Variants in OR4C11 observed in about 807,000 individuals in gnomAD.
The protein encoded by OR4C11 is olfactory receptor 4C11.
OR4C11 carries 15 observed loss-of-function variants against 14.7 expected under a neutral mutation model. The observed-to-expected ratio is 1.02, with a 90% CI of 0.68 to 1.58. The LOEUF is 1.58. Ranked by LOEUF, OR4C11 falls within the 40% of genes most tolerant of loss-of-function variation. The pLI is 0.00. For missense variants in OR4C11, 473 were observed against 383.0 expected (o/e 1.24, Z -1.96); for synonymous variants, 146 against 135.0 (o/e 1.08, Z -0.57).
rs140582621 is a variant in OR4C11, at chr11:55,603,602, G to T, written c.772C>A (p.Arg258Ser). Residue 258 changes from arginine to serine, a missense_variant, in exon 4 of 4, where the codon CGC becomes AGC. Transcript: ENST00000641580. ...TCCATGGGGAAAGTGGTCGGGGGGC[G>T]TGTATATATGAATATACATGGGCCA... ...FFGPCIFIYT[R>S]PPTTFPMDKM... 17 of 1,481,028 alleles carry T rather than the reference G, an allele frequency of 1.1e-5. 5 individuals are homozygous for T. Among genetic ancestry groups the T allele is most frequent in the South Asian group, 7.1e-5 (6 of 84,642 alleles). The allele number at this position is 1,481,028 out of a possible 1,614,324, so 91.7% of individuals were successfully genotyped here.
chr11:55,603,391 T>G lies in OR4C11; in HGVS notation c.*50A>C. The G allele has an allele frequency of 1.1e-6, 1 of 913,682 alleles. No homozygotes were observed. Among genetic ancestry groups the G allele is most frequent in the Non-Finnish European group, 1.6e-6 (1 of 620,316 alleles). The allele number at this position is 913,682 out of a possible 1,614,324, so 56.6% of individuals were successfully genotyped here. On this transcript the variant is annotated 3_prime_UTR_variant, in exon 4 of 4. Coordinates refer to ENST00000641580, the MANE Select transcript of OR4C11 (RefSeq NM_001004700.3). Reference sequence around the variant, plus strand: ...TTTCCTATTTGCTGTCTATACTTACTCTGTTAAATCATGATTTGACTGAAA... The same window carrying G: ...TTTCCTATTTGCTGTCTATACTTACGCTGTTAAATCATGATTTGACTGAAA...
rs1857906966 is a variant in OR4C11 at position 55,603,275 on chromosome 11, G to A, written c.*166C>T. 2.1e-6 allele frequency: 1 copy of A among 475,432 alleles called. No individual in the cohort carries two copies. The highest frequency in any genetic ancestry group is 2.0e-5 in the African/African-American group (1 of 50,980). 29.5% of individuals were successfully genotyped at this position (475,432 alleles called of 1,614,324 possible). On this transcript the variant is annotated 3_prime_UTR_variant, in exon 4 of 4. Coordinates refer to ENST00000641580, the MANE Select transcript of OR4C11 (RefSeq NM_001004700.3). Reference sequence around the variant, plus strand: ...ACCTAGTTCTGGCACAAAAGACAATGTCTTGGTAGTCACAACTCCTGTTAA... The same window carrying A: ...ACCTAGTTCTGGCACAAAAGACAATATCTTGGTAGTCACAACTCCTGTTAA...
Position 55,603,820 on chromosome 11 carries a change from AGTTTCAACAAG to A in OR4C11, c.543_553del (p.Leu182CysfsTer15). 3 of 1,489,688 alleles carry A rather than the reference AGTTTCAACAAG, an allele frequency of 2.0e-6. 1 individual carries two copies. The South Asian group carries it at 3.5e-5, about 18-fold the overall frequency. 92.3% of individuals were successfully genotyped at this position (1,489,688 alleles called of 1,614,324 possible). The stretch of plus-strand genomic sequence containing the variant: ...GATCATGTAAGTGTCCATGCAGGCA[AGTTTCAACAAG>A]GGCTGCAAATCACAGCAATAATGAT... On this transcript the variant is annotated frameshift_variant, in exon 4 of 4. Transcript: ENST00000641580. LOFTEE classifies it high-confidence loss of function.
rs1246737702 is a variant in OR4C11, at chr11:55,604,104, T to G, written c.270A>C (p.Ile90=). 8 of 1,483,966 alleles carry G rather than the reference T, an allele frequency of 5.4e-6. 2 individuals carry two copies. The highest frequency in any genetic ancestry group is 7.3e-6 in the Non-Finnish European group (8 of 1,091,028). 91.9% of individuals were successfully genotyped at this position (1,483,966 alleles called of 1,614,324 possible). Residue 90 remains isoleucine, a synonymous_variant, in exon 4 of 4, where the codon ATA becomes ATC. Transcript: ENST00000641580. Reference sequence around the variant, plus strand: ...CTTGTGTCATGCACTCATTGTAGGTTATAATTTTCTTTTCAGAGAGAGCAT... The same window carrying G: ...CTTGTGTCATGCACTCATTGTAGGTGATAATTTTCTTTTCAGAGAGAGCAT... The part of the protein sequence containing the change: ...IVDALSEKKI[I]TYNECMTQVF...
intron 3 of OR4C11, among the ~76,000 whole-genome samples, chr11:55,604,631 C>T (rs1857937505): frequency 7.3e-6 from 1 of 137,302 alleles, no homozygotes; most frequent in Non-Finnish European, 1.6e-5. Flanking sequence ...GGCTGGACTG[C>T]AGTGGCATGA....
At chr11:55,605,368 T>A (rs1192812425) in intron 2 of OR4C11, 81 bp from the exon 3 acceptor site, 1 of 137,054 alleles carries the variant, frequency 7.3e-6, no homozygotes, top group South Asian at 2.3e-4. Context: ...CAGGTAAGCA[T>A]CAGTGATTTA....
rs1302553925 is a variant in OR4C11 at position 55,607,305 on chromosome 11, A to G, written c.-383T>C. ...CTCTTACCTGGTAGTGCCCATTTCC[A>G]TCAAGAAATTCTGTGCATGATTTTT... On this transcript the variant is annotated 5_prime_UTR_variant, in exon 1 of 4. It removes an upstream start codon present in the reference 5' UTR. Transcript: ENST00000641580. The G allele has an allele frequency of 5.1e-5, 7 of 138,408 alleles. 2 individuals are homozygous for G. The highest frequency in any genetic ancestry group is 8.0e-5 in the Non-Finnish European group (5 of 62,274). The allele number at this position is 138,408 out of a possible 1,614,324, so 8.6% of individuals were successfully genotyped here.
Position 55,607,543 on chromosome 11 carries a change from T to C in OR4C11, c.-621A>G, listed in dbSNP as rs2120127935. On this transcript the variant is annotated 5_prime_UTR_variant, in exon 1 of 4. Transcript: ENST00000641580. ...GCTATATTAGGATGTTCAATTGCCC[T>C]CTTTTCTTCCCAATATAATTTGGAG... 1 of 138,476 alleles carries C rather than the reference T, an allele frequency of 7.2e-6. No homozygotes were observed. Among genetic ancestry groups the C allele is most frequent in the African/African-American group, 2.5e-5 (1 of 39,952 alleles). The allele number at this position is 138,476 out of a possible 1,614,324, so 8.6% of individuals were successfully genotyped here.
rs147059358 is a variant in OR4C11 at position 55,604,318 on chromosome 11, G to C, written c.56C>G (p.Pro19Arg). 277 of 1,426,034 alleles carry C rather than the reference G, an allele frequency of 1.9e-4. 47 individuals carry two copies. The highest frequency in any genetic ancestry group is 2.5e-4 in the Non-Finnish European group (265 of 1,046,234). The allele number at this position is 1,426,034 out of a possible 1,614,324, so 88.3% of individuals were successfully genotyped here. A position where few individuals can be genotyped will look rare whatever the true frequency, so the allele number is the denominator to read the frequency against. The stretch of plus-strand genomic sequence containing the variant: ...TACAAACACTATTTTCTGCCTCAAG[G>C]GATCCTGTGTTAATCCTAACAGTAT... The part of the protein sequence containing the change: ...EFILLGLTQD[P>R]LRQKIVFVIF... The change falls in exon 4 of 4, where the codon CCC becomes CGC. Residue 19 changes from proline to arginine, a missense_variant. Transcript: ENST00000641580.
At chr11:55,604,531 G>T (rs1857936340) in intron 3 of OR4C11, 114 bp from the exon 4 acceptor site, 2 of 392,274 alleles carry the variant, frequency 5.1e-6, no homozygotes, top group Non-Finnish European at 8.9e-6. Flanking sequence ...ATTTTTTTCT[G>T]AGTGAAATGG....
At position 55,604,228 on chromosome 11, in the gene OR4C11, G is replaced by T; in HGVS notation, c.146C>A (p.Ser49Tyr). 1 of 1,477,226 alleles carries T rather than the reference G, an allele frequency of 6.8e-7. No homozygotes were observed. The highest frequency in any genetic ancestry group is 1.2e-5 in the South Asian group (1 of 84,414). The allele number at this position is 1,477,226 out of a possible 1,614,324, so 91.5% of individuals were successfully genotyped here. ...CATGGGGCTTCCTAGTGTCCGGCTGGACTTGATGGTCACAATAATGAGCAT... is the reference window on the plus strand; with the variant it reads ...CATGGGGCTTCCTAGTGTCCGGCTGTACTTGATGGTCACAATAATGAGCAT... ...GNMLIIVTIK[S>Y]SRTLGSPMYF... Residue 49 changes from serine to tyrosine, a missense_variant, in exon 4 of 4, where the codon TCC becomes TAC. Transcript: ENST00000641580.
Position 55,603,915 on chromosome 11 carries a change from G to C in OR4C11, c.459C>G (p.His153Gln). Residue 153 changes from histidine to glutamine, a missense_variant, in exon 4 of 4, where the codon CAC (histidine) becomes CAG (glutamine). Transcript: ENST00000641580. ...IVLAWIGSLI[H>Q]STAQIILALR... ...AGGCCAGGATAATCTGAGCTGTAGA[G>C]TGTATTAAAGACCCTATCCAGGCAA... The C allele has an allele frequency of 2.0e-6, 3 of 1,482,832 alleles. 1 individual carries two copies. Among genetic ancestry groups the C allele is most frequent in the Non-Finnish European group, 2.8e-6 (3 of 1,089,066 alleles). The allele number at this position is 1,482,832 out of a possible 1,614,324, so 91.9% of individuals were successfully genotyped here. A position where few individuals can be genotyped will look rare whatever the true frequency, so the allele number is the denominator to read the frequency against.
Position 55,603,456 on chromosome 11 carries a change from T to A in OR4C11, c.918A>T (p.Ser306=). ...GGCCCTCAATTTATCCTTTGTTTTC[T>A]GAAATAATTTTGCCATGCCATAACT... ...MRKLWHGKII[S]ENKG Residue 306 remains serine, a synonymous_variant, in exon 4 of 4, where the codon TCA becomes TCT. Transcript: ENST00000641580. 1 of 1,421,066 alleles carries A rather than the reference T, an allele frequency of 7.0e-7. No homozygotes were observed. Among genetic ancestry groups the A allele is most frequent in the Non-Finnish European group, 9.5e-7 (1 of 1,047,864 alleles). 88.0% of individuals were successfully genotyped at this position (1,421,066 alleles called of 1,614,324 possible). A position where few individuals can be genotyped will look rare whatever the true frequency, so the allele number is the denominator to read the frequency against.
chr11:55,604,325 G>T lies in OR4C11; in HGVS notation c.49C>A (p.Gln17Lys). The T allele has an allele frequency of 2.1e-6, 3 of 1,421,564 alleles. No homozygotes were observed. Among genetic ancestry groups the T allele is most frequent in the South Asian group, 2.5e-5 (2 of 79,472 alleles). 88.1% of individuals were successfully genotyped at this position (1,421,564 alleles called of 1,614,324 possible). A position where few individuals can be genotyped will look rare whatever the true frequency, so the allele number is the denominator to read the frequency against. Reference sequence around the variant, plus strand: ...ACTATTTTCTGCCTCAAGGGATCCTGTGTTAATCCTAACAGTATGAATTCA... The same window carrying T: ...ACTATTTTCTGCCTCAAGGGATCCTTTGTTAATCCTAACAGTATGAATTCA... ...VPEFILLGLT[Q>K]DPLRQKIVFV... The change falls in exon 4 of 4, where the codon CAG (glutamine) becomes AAG (lysine). Residue 17 changes from glutamine to lysine, a missense_variant. Coordinates refer to ENST00000641580, the MANE Select transcript of OR4C11 (RefSeq NM_001004700.3).
rs1236471242 is a variant in OR4C11 at position 55,606,514 on chromosome 11, AG to A, written c.-207+7del. ...GCTACATCGAAAATAATGTTTTAAA[AG>A]CTTTACCTTGGGAGATGGGTTGTTA... On this transcript the variant is annotated splice_region_variant and intron_variant, in intron 2 of 3. Transcript: ENST00000641580. The A allele has an allele frequency of 9.4e-5, 13 of 138,478 alleles. 2 individuals carry two copies. The East Asian group carries it at 3.1e-3, about 33-fold the overall frequency. 8.6% of individuals were successfully genotyped at this position (138,478 alleles called of 1,614,324 possible).
In OR4C11 at chr11:55,603,444, T is replaced by C. The variant is rs536774368; in HGVS notation, c.930A>G (p.Gly310=). ...WHGKIISENK[G] is the part of the protein sequence containing the mutation. ...GTAATCAGGTCAGGCCCTCAATTTATCCTTTGTTTTCTGAAATAATTTTGC... is the reference window on the plus strand; with the variant it reads ...GTAATCAGGTCAGGCCCTCAATTTACCCTTTGTTTTCTGAAATAATTTTGC... The change falls in exon 4 of 4, where the codon GGA becomes GGG. Residue 310 remains glycine, a synonymous_variant. Transcript: ENST00000641580. 36 of 1,379,858 alleles carry C rather than the reference T, an allele frequency of 2.6e-5. 6 individuals are homozygous for C. The highest frequency in any genetic ancestry group is 5.3e-5 in the East Asian group (2 of 38,082). 85.5% of individuals were successfully genotyped at this position (1,379,858 alleles called of 1,614,324 possible). A position where few individuals can be genotyped will look rare whatever the true frequency, so the allele number is the denominator to read the frequency against.
Position 55,603,806 on chromosome 11 carries a change from T to G in OR4C11, c.568A>C (p.Thr190Pro). The G allele has an allele frequency of 1.3e-6, 2 of 1,488,498 alleles. 1 individual carries two copies. Among genetic ancestry groups the G allele is most frequent in the Non-Finnish European group, 1.8e-6 (2 of 1,093,986 alleles). 92.2% of individuals were successfully genotyped at this position (1,488,498 alleles called of 1,614,324 possible). A position where few individuals can be genotyped will look rare whatever the true frequency, so the allele number is the denominator to read the frequency against. The change falls in exon 4 of 4, where the codon ACT becomes CCT. Residue 190 changes from threonine (T) to proline (P), a missense_variant. Coordinates refer to ENST00000641580, the MANE Select transcript of OR4C11 (RefSeq NM_001004700.3). ...QPLLKLACMD[T>P]YMINLLLVSN... is the part of the protein sequence containing the mutation. ...ACCAACAGCAGGTTGATCATGTAAG[T>G]GTCCATGCAGGCAAGTTTCAACAAG... is the stretch of plus-strand genomic sequence containing the variant.
Position 55,603,938 on chromosome 11 carries a change from C to A in OR4C11, c.436G>T (p.Ala146Ser). The A allele has an allele frequency of 1.3e-6, 2 of 1,487,988 alleles. No homozygotes were observed. The highest frequency in any genetic ancestry group is 2.6e-5 in the East Asian group (1 of 38,710). The allele number at this position is 1,487,988 out of a possible 1,614,324, so 92.2% of individuals were successfully genotyped here. A position where few individuals can be genotyped will look rare whatever the true frequency, so the allele number is the denominator to read the frequency against. The change falls in exon 4 of 4, where the codon GCC becomes TCC. Residue 146 changes from alanine to serine, a missense_variant. By Grantham distance (99) the Ala-to-Ser change is moderately conservative. Transcript: ENST00000641580. ...GAGTGTATTAAAGACCCTATCCAGG[C>A]AAGAACAATCAGGATGATGCAGACC... ...QQVCIILIVLAWIGSLIHSTA... is the reference protein window; with the variant it reads ...QQVCIILIVLSWIGSLIHSTA...
chr11:55,603,665 C>A lies in OR4C11; in HGVS notation c.709G>T (p.Ala237Ser). The A allele has an allele frequency of 1.4e-6, 2 of 1,478,920 alleles. No homozygotes were observed. The highest frequency in any genetic ancestry group is 2.4e-5 in the South Asian group (2 of 84,586). The allele number at this position is 1,478,920 out of a possible 1,614,324, so 91.6% of individuals were successfully genotyped here. A position where few individuals can be genotyped will look rare whatever the true frequency, so the allele number is the denominator to read the frequency against. ...ACTACAATTATGTGAGACGTGCAAG[C>A]GGAGAGAGCCTTTTTCTTCCCTTTG... Reference protein sequence around the residue: ...SAKGKKKALSACTSHIIVVIL... With the variant: ...SAKGKKKALSSCTSHIIVVIL... Residue 237 changes from alanine (A) to serine (S), a missense_variant, in exon 4 of 4, where the codon GCT becomes TCT. By Grantham distance (99) the Ala-to-Ser change is moderately conservative (BLOSUM62 1). Transcript: ENST00000641580.
Sources: gnomAD v4.1 joint callset for allele counts (sites outside exome capture counted in the v4.1 genomes callset) on GRCh38, gnomAD v4.1.1 for gene constraint, MANE v1.5 for transcripts, NCBI Gene and HGNC (gene_info 2026-07-23, HGNC 2026-07-21) for gene names.